Variants in GKAP1 observed in about 807,000 individuals in gnomAD.
GKAP1 encodes the protein G kinase-anchoring protein 1.
Under a neutral mutation model 56.7 loss-of-function variants are expected in GKAP1, and 31 were observed. The ratio of observed to expected loss-of-function variants is 0.55; its 90% CI spans 0.41 to 0.74. The LOEUF is 0.74. Ranked by LOEUF, GKAP1 falls within the 30% of genes least tolerant of loss-of-function variation. The pLI is 0.00. For missense variants in GKAP1, 364 were observed against 402.3 expected, an observed-to-expected ratio of 0.90 and a Z score of 0.82; for synonymous variants, 151 against 138.6, an observed-to-expected ratio of 1.09 and a Z score of -0.63.
rs143332210 is a variant in GKAP1, at chr9:83,798,000, G to A, written c.360+1185C>T. Among the ~76,000 whole-genome samples the A allele has an allele frequency of 5.3e-5, 8 of 152,280 alleles. No individual in the cohort carries two copies. The East Asian group carries it at 1.5e-3, about 29-fold the overall frequency. ...GAAACAGTACAAGATGATTTATCCA[G>A]TATACCAGTACCTGGAACTGCCATT... On this transcript the variant is annotated intron_variant, in intron 4 of 12. Transcript: ENST00000376371.
intron 10 of GKAP1, 68 bp from the exon 11 acceptor site, chr9:83,742,668 G>A (rs1486139757): frequency 1.1e-5 from 10 of 941,322 alleles, no homozygotes; most frequent in South Asian, 5.6e-5. Context: ...ATACTTCAGG[G>A]AACTAAGACA....
At chr9:83,752,872 A>G (rs1415378464) in intron 9 of GKAP1, among the ~76,000 whole-genome samples, 1 of 152,010 alleles carries the variant, frequency 6.6e-6, no homozygotes, top group Non-Finnish European at 1.5e-5. Flanking sequence ...GGAGTTCGTG[A>G]CCAGCCTGGC....
intron 10 of GKAP1, among the ~76,000 whole-genome samples, chr9:83,745,989 C>T (rs959531662): frequency 3.3e-5 from 5 of 152,052 alleles, no homozygotes; most frequent in African/African-American, 1.2e-4. Context: ...TAGGGTTTCA[C>T]CATGTTGTCC....
intron 2 of GKAP1, among the ~76,000 whole-genome samples, chr9:83,808,131 A>T (rs1341845111): frequency 6.6e-6 from 1 of 152,226 alleles, no homozygotes; most frequent in African/African-American, 2.4e-5. Context: ...TACAGAGATG[A>T]TACCACATTG....
At chr9:83,806,666 G>C in intron 2 of GKAP1, 106 bp from the exon 3 acceptor site, 1 of 634,050 alleles carries the variant, frequency 1.6e-6, no homozygotes, top group Middle Eastern at 3.9e-4. Flanking sequence ...TTCTGACACT[G>C]GATTTAGTAA....
intron 3 of GKAP1, among the ~76,000 whole-genome samples, chr9:83,804,336 G>A (rs1443856253): frequency 1.5e-4 from 20 of 136,008 alleles, no homozygotes; most frequent in South Asian, 2.5e-4. Flanking sequence ...CGCCCCATCC[G>A]GGAGGGAGGT....
intron 8 of GKAP1, among the ~76,000 whole-genome samples, chr9:83,761,377 A>T (rs1943567921): frequency 6.6e-6 from 1 of 152,098 alleles, no homozygotes; most frequent in African/African-American, 2.4e-5. Context: ...TGAACCATGA[A>T]GAAATCCAAA....
Position 83,768,901 on chromosome 9 carries a change from T to C in GKAP1, c.655A>G (p.Lys219Glu), listed in dbSNP as rs759783841. The C allele has an allele frequency of 3.1e-6, 5 of 1,611,344 alleles. No individual in the cohort carries two copies. Among genetic ancestry groups the C allele is most frequent in the Non-Finnish European group, 4.2e-6 (5 of 1,178,434 alleles). Reference sequence around the variant, plus strand: ...CTTCGTTTTTCTCTAATAAGAATTTTATGAACATCATCTTCCAGTCTATTG... The same window carrying C: ...CTTCGTTTTTCTCTAATAAGAATTTCATGAACATCATCTTCCAGTCTATTG... ...FFNRLEDDVH[K>E]ILIREKRREQ... is the part of the protein sequence containing the mutation. The change falls in exon 8 of 13, where the codon AAA becomes GAA. Residue 219 changes from lysine to glutamate, a missense_variant. Lys to Glu is a moderately conservative substitution (Grantham distance 56). Coordinates refer to ENST00000376371, the MANE Select transcript of GKAP1 (RefSeq NM_025211.4).
chr9:83,739,924 T>C (rs186664346), intron 12 of GKAP1, among the ~76,000 whole-genome samples, 180 bp from the exon 13 acceptor site: 29 of 152,314 alleles, frequency 1.9e-4, no homozygotes, highest in Non-Finnish European at 2.8e-4. Context: ...TTATTTTTTA[T>C]AAATGGTTAA....
In GKAP1 at chr9:83,812,621, T is replaced by G. The variant is rs1944527365; in HGVS notation, c.-44+4375A>C. ...TCCCAAAGTGCTGGGATTACAGGAATGAGCCACCATGCCCGGCTCTACAAT... is the reference window on the plus strand; with the variant it reads ...TCCCAAAGTGCTGGGATTACAGGAAGGAGCCACCATGCCCGGCTCTACAAT... On this transcript the variant is annotated intron_variant, in intron 2 of 12. Transcript: ENST00000376371. Among the ~76,000 whole-genome samples the G allele has an allele frequency of 6.0e-5, 9 of 149,508 alleles. No homozygotes were observed. In the South Asian group the frequency reaches 1.9e-3, roughly 31 times the overall value.
At chr9:83,739,868 T>C (rs910886578) in intron 12 of GKAP1, 124 bp from the exon 13 acceptor site, 40 of 678,470 alleles carry the variant, frequency 5.9e-5, no homozygotes, top group Non-Finnish European at 9.3e-5. Context: ...TTTTTTGATT[T>C]TGTTGTAAAT....
intron 5 of GKAP1, among the ~76,000 whole-genome samples, chr9:83,785,612 C>T (rs1587723236): frequency 6.6e-6 from 1 of 152,274 alleles, no homozygotes; most frequent in East Asian, 1.9e-4. Context: ...ACACACCTTA[C>T]AGCCAATTAA....
intron 7 of GKAP1, among the ~76,000 whole-genome samples, chr9:83,776,465 G>A (rs1295812861): frequency 3.3e-5 from 5 of 152,180 alleles, no homozygotes; most frequent in Non-Finnish European, 7.4e-5. Flanking sequence ...GGGAGGCCGA[G>A]GCAGGTGGAT....
chr9:83,801,535 A>G (rs1944331548), intron 3 of GKAP1, among the ~76,000 whole-genome samples: 1 of 152,164 alleles, frequency 6.6e-6, no homozygotes, highest in Non-Finnish European at 1.5e-5. Context: ...AAAAGGGAGT[A>G]AGATAGAAAC....
chr9:83,775,287 G>A (rs753883365), intron 7 of GKAP1, among the ~76,000 whole-genome samples: 2 of 152,178 alleles, frequency 1.3e-5, no homozygotes, highest in African/African-American at 2.4e-5. Context: ...CATTACAGGC[G>A]CCAGCCACCA....
intron 7 of GKAP1, among the ~76,000 whole-genome samples, chr9:83,773,887 G>C (rs1943805573): frequency 6.6e-6 from 1 of 152,074 alleles, no homozygotes; most frequent in Admixed American, 6.6e-5. Flanking sequence ...TTCACATGCA[G>C]CTATAAAAAA....
chr9:83,769,808 C>G (rs1943726042), intron 7 of GKAP1, among the ~76,000 whole-genome samples: 1 of 152,134 alleles, frequency 6.6e-6, no homozygotes, highest in Admixed American at 6.5e-5. Context: ...CAAAGCAGCC[C>G]ATCATTTTAC....
intron 8 of GKAP1, among the ~76,000 whole-genome samples, chr9:83,755,152 T>C (rs920837790): frequency 7.2e-5 from 11 of 152,136 alleles, no homozygotes; most frequent in Non-Finnish European, 1.5e-4. Context: ...TAGGAATTTA[T>C]CTCCAATAGA....
chr9:83,756,030 C>T, intron 8 of GKAP1, among the ~76,000 whole-genome samples: 1 of 151,986 alleles, frequency 6.6e-6, no homozygotes, highest in South Asian at 2.1e-4. Flanking sequence ...GTCTTGAACT[C>T]CAGATCTCAG....
Sources: gnomAD v4.1 joint callset for allele counts (sites outside exome capture counted in the v4.1 genomes callset) on GRCh38, gnomAD v4.1.1 for gene constraint, MANE v1.5 for transcripts, NCBI Gene and HGNC (gene_info 2026-07-23, HGNC 2026-07-21) for gene names.